The following ATP8A2 variants were observed in gnomAD, a reference collection of about 807,000 sequenced individuals.
The protein encoded by ATP8A2 is ATPase phospholipid transporting 8A2, also known as phospholipid-transporting ATPase IB.
Under a neutral mutation model 165.6 loss-of-function variants are expected in ATP8A2, and 100 were observed. The ratio of observed to expected loss-of-function variants is 0.60; its 90% CI spans 0.51 to 0.71. The LOEUF (loss-of-function observed/expected upper bound fraction) is 0.71. Ranked by LOEUF, ATP8A2 falls within the 30% of genes least tolerant of loss-of-function variation. The pLI is 0.00. For synonymous variants in ATP8A2, 543 were observed against 548.8 expected (o/e 0.99, Z 0.15); for missense variants, 1,227 against 1,479.5 (o/e 0.83, Z 2.80).
intron 36 of ATP8A2, among the ~76,000 whole-genome samples, chr13:26,018,826 A>C (rs1179950944): frequency 6.6e-6 from 1 of 152,154 alleles, no homozygotes; most frequent in Non-Finnish European, 1.5e-5. Context: ...CTCATCTGTG[A>C]AGTGGGAGGA....
Position 25,953,522 on chromosome 13 carries a change from TAAAAAA to T in ATP8A2, c.3184-8034_3184-8029del, listed in dbSNP as rs374397075. Among the ~76,000 whole-genome samples, 3 of 94,960 alleles carry T rather than the reference TAAAAAA, an allele frequency of 3.2e-5. No homozygotes were observed. The highest frequency in any genetic ancestry group is 4.3e-5 in the African/African-American group (1 of 23,330). The allele number at this position is 94,960 out of a possible 152,430, so 62.3% of individuals were successfully genotyped here. A position where few individuals can be genotyped will look rare whatever the true frequency, so the allele number is the denominator to read the frequency against. Reference sequence around the variant, plus strand: ...GTAGCCCTGGTTACTCCAGCCTTTTTAAAAAAAAAAAAAAAAAAAAAAAAGCAAGGG... The same window carrying T: ...GTAGCCCTGGTTACTCCAGCCTTTTTAAAAAAAAAAAAAAAAAAGCAAGGG... On this transcript the variant is annotated intron_variant, in intron 33 of 36. Coordinates refer to ENST00000381655, the MANE Select transcript of ATP8A2 (RefSeq NM_016529.6). The surrounding 1 kb of genome is among the most constrained non-coding windows in gnomAD (Gnocchi z 6.7).
intron 24 of ATP8A2, among the ~76,000 whole-genome samples, chr13:25,605,488 C>T (rs2138398883): frequency 6.6e-6 from 1 of 151,990 alleles, no homozygotes; most frequent in East Asian, 1.9e-4. Context: ...CTTCCATTAC[C>T]CAGAGAACTG....
intron 33 of ATP8A2, among the ~76,000 whole-genome samples, chr13:25,903,094 CAAG>C (rs746425204): frequency 3.3e-5 from 5 of 151,884 alleles, no homozygotes; most frequent in African/African-American, 4.8e-5. Context: ...CTAGCCTGGG[CAAG>C]AAGAACGAAA....
Position 25,535,756 on chromosome 13 carries a change from A to C in ATP8A2, c.508-2232A>C, listed in dbSNP as rs569952337. ...CTTGAGCATGGGAGGTGGAGGTTGC[A>C]GTGAGCCTTGATCGCACCACTGCAC... On this transcript the variant is annotated intron_variant, in intron 6 of 36. Transcript: ENST00000381655. Among the ~76,000 whole-genome samples, 8 of 152,212 alleles carry C rather than the reference A, an allele frequency of 5.3e-5. No individual in the cohort carries two copies. The South Asian group carries it at 1.0e-3, about 20-fold the overall frequency.
chr13:25,614,522 G>C (rs1565981266), intron 24 of ATP8A2, among the ~76,000 whole-genome samples: 1 of 151,986 alleles, frequency 6.6e-6, no homozygotes, highest in East Asian at 1.9e-4. Flanking sequence ...TTTTTTTCTT[G>C]GTTTGGATCC....
At chr13:25,422,566 A>G (rs2034331474) in intron 1 of ATP8A2, among the ~76,000 whole-genome samples, 2 of 152,222 alleles carry the variant, frequency 1.3e-5, no homozygotes, top group African/African-American at 4.8e-5. Context: ...AGAAACTCCC[A>G]TTACTATTCA....
At chr13:25,555,175 C>A in intron 13 of ATP8A2, 107 bp downstream of exon 13, 1 of 764,396 alleles carries the variant, frequency 1.3e-6, no homozygotes. Flanking sequence ...TCTCCATGAA[C>A]ATGGCTAGAA....
chr13:25,797,199 CAG>C (rs1319103993), intron 27 of ATP8A2, among the ~76,000 whole-genome samples: 1 of 152,110 alleles, frequency 6.6e-6, no homozygotes, highest in African/African-American at 2.4e-5. Flanking sequence ...ACCCAGGAGA[CAG>C]AGGTTGCAGT....
chr13:25,617,985 C>T (rs1025054405), intron 24 of ATP8A2, among the ~76,000 whole-genome samples: 13 of 151,974 alleles, frequency 8.6e-5, no homozygotes, highest in Admixed American at 7.2e-4. Flanking sequence ...GCTAGTTACC[C>T]GTAGTGTAAA....
In ATP8A2 at chr13:25,824,902, T is replaced by C. The variant is rs556775622; in HGVS notation, c.2680-3216T>C. The stretch of plus-strand genomic sequence containing the variant: ...CCATCCAGGATTCAACCTCTGCCTC[T>C]GCTTGCCCTGACCTCTATATTTTAT... On this transcript the variant is annotated intron_variant, in intron 27 of 36. Transcript: ENST00000381655. 2.6e-5 allele frequency among the ~76,000 whole-genome samples: 4 copies of C among 152,238 alleles called. No homozygotes were observed. In the South Asian group the frequency reaches 8.3e-4, roughly 32 times the overall value.
intron 30 of ATP8A2, among the ~76,000 whole-genome samples, chr13:25,849,002 G>C (rs1951944152): frequency 6.6e-6 from 1 of 152,030 alleles, no homozygotes; most frequent in African/African-American, 2.4e-5. Context: ...GAGAGGCCCA[G>C]AGAGTAAGGT....
chr13:25,529,703 C>T (rs12429070), intron 2 of ATP8A2, among the ~76,000 whole-genome samples: 9,711 of 152,210 alleles, frequency 0.064, 403 homozygotes, highest in South Asian at 0.13. Flanking sequence ...CTGTTCATAG[C>T]ATATAGCTCC....
chr13:25,542,540 G>A (rs2038514324), intron 9 of ATP8A2, among the ~76,000 whole-genome samples: 1 of 152,008 alleles, frequency 6.6e-6, no homozygotes, highest in South Asian at 2.1e-4. Flanking sequence ...ATGTTGTTCT[G>A]GAGTTGTCTT....
At chr13:25,489,676 A>G (rs2036462615) in intron 2 of ATP8A2, among the ~76,000 whole-genome samples, 3 of 152,242 alleles carry the variant, frequency 2.0e-5, no homozygotes, top group African/African-American at 7.2e-5. Context: ...ATTGAACAGA[A>G]AATGAGAATT....
At chr13:25,553,962 A>C in intron 12 of ATP8A2, 42 bp downstream of exon 12, 1 of 1,582,596 alleles carries the variant, frequency 6.3e-7, no homozygotes, top group Non-Finnish European at 8.6e-7. Flanking sequence ...TTCCAATGCT[A>C]TTTCAGAGCC....
intron 25 of ATP8A2, among the ~76,000 whole-genome samples, chr13:25,737,047 G>A (rs2043787488): frequency 6.6e-6 from 1 of 152,174 alleles, no homozygotes; most frequent in African/African-American, 2.4e-5. Flanking sequence ...TGTGTGTTAG[G>A]AGGGGAGTTT....
chr13:25,420,534 G>A (rs1429538890), intron 1 of ATP8A2, among the ~76,000 whole-genome samples: 1 of 152,184 alleles, frequency 6.6e-6, no homozygotes, highest in Non-Finnish European at 1.5e-5. Flanking sequence ...AAAATTTTTG[G>A]TGATAATTGA....
chr13:25,436,612 G>C (rs999013617), intron 1 of ATP8A2, among the ~76,000 whole-genome samples: 7 of 151,978 alleles, frequency 4.6e-5, no homozygotes, highest in African/African-American at 1.7e-4. Flanking sequence ...TTTTCCTTGG[G>C]GTATATACTC....
chr13:25,867,075 C>T (rs1430758973), intron 33 of ATP8A2, among the ~76,000 whole-genome samples: 2 of 151,340 alleles, frequency 1.3e-5, no homozygotes, highest in Non-Finnish European at 2.9e-5. Flanking sequence ...TCAAAGCATA[C>T]AATCTGCAAC....
Sources: allele counts gnomAD v4.1 joint callset (sites outside exome capture counted in the v4.1 genomes callset), GRCh38; gene constraint gnomAD v4.1.1; non-coding constraint Gnocchi (gnomAD v3.1); transcripts MANE v1.5; gene names NCBI Gene and HGNC (gene_info 2026-07-23, HGNC 2026-07-21).